MLIP: variants seen among roughly 807,000 people sequenced by gnomAD.
The protein encoded by MLIP is muscular LMNA interacting protein.
MLIP carries 79 observed loss-of-function variants against 84.8 expected under a neutral mutation model. The ratio of observed to expected loss-of-function variants is 0.93; its 90% CI spans 0.78 to 1.12. The LOEUF (loss-of-function observed/expected upper bound fraction) is 1.12. MLIP is among the 50% of genes most tolerant of loss of function. The pLI is 0.00. For missense variants in MLIP, 1,257 were observed against 1,160.6 expected, an observed-to-expected ratio of 1.08 and a Z score of -1.21; for synonymous variants, 504 against 463.0, an observed-to-expected ratio of 1.09 and a Z score of -1.14.
chr6:54,195,541 G>C (rs1433416569), intron 10 of MLIP, among the ~76,000 whole-genome samples: 2 of 152,080 alleles, frequency 1.3e-5, no homozygotes, highest in African/African-American at 4.8e-5. Flanking sequence ...CTCTAGCTCA[G>C]AGGCTGTACC....
At chr6:54,262,000 T>C (rs1218577898) in intron 13 of MLIP, among the ~76,000 whole-genome samples, 1 of 151,960 alleles carries the variant, frequency 6.6e-6, no homozygotes, top group Non-Finnish European at 1.5e-5. Context: ...GGTAAATTTG[T>C]CTTATAAAAA....
At chr6:54,233,566 T>G (rs1781158972) in intron 12 of MLIP, among the ~76,000 whole-genome samples, 1 of 152,232 alleles carries the variant, frequency 6.6e-6, no homozygotes, top group African/African-American at 2.4e-5. Context: ...ATTTTCTTTA[T>G]CCAGTCTATC....
intron 8 of MLIP, among the ~76,000 whole-genome samples, chr6:54,162,854 A>G (rs1774793734): frequency 6.6e-6 from 1 of 152,018 alleles, no homozygotes; most frequent in Non-Finnish European, 1.5e-5. Flanking sequence ...CGTCCTGTAC[A>G]GAGTTCCAAG....
intron 9 of MLIP, among the ~76,000 whole-genome samples, chr6:54,183,095 T>TAC (rs1777044632): frequency 6.6e-6 from 1 of 152,168 alleles, no homozygotes; most frequent in Non-Finnish European, 1.5e-5. Context: ...CCACTATATA[T>TAC]ACAGATATTC....
At chr6:54,058,202 T>C (rs1765771067) in intron 1 of MLIP, among the ~76,000 whole-genome samples, 1 of 152,200 alleles carries the variant, frequency 6.6e-6, no homozygotes, top group Non-Finnish European at 1.5e-5. Context: ...ATGCTGTGTT[T>C]ATAATTGGGT....
intron 11 of MLIP, among the ~76,000 whole-genome samples, chr6:54,219,053 A>C (rs997020720): frequency 6.6e-6 from 1 of 151,310 alleles, no homozygotes. Flanking sequence ...AGTACAAAAA[A>C]AAATTAGCCG....
At chr6:54,257,985 A>G (rs547103303) in intron 13 of MLIP, among the ~76,000 whole-genome samples, 35 of 152,236 alleles carry the variant, frequency 2.3e-4, no homozygotes, top group African/African-American at 7.9e-4. Context: ...ACAAAGAAAA[A>G]TTCTGTAAAG....
intron 1 of MLIP, among the ~76,000 whole-genome samples, chr6:54,112,030 AGT>A (rs1475452046): frequency 6.6e-6 from 1 of 152,224 alleles, no homozygotes. Context: ...AGCATTTCAA[AGT>A]GTATTTAGAA....
chr6:54,261,179 G>C (rs1355150687), intron 13 of MLIP, among the ~76,000 whole-genome samples: 1 of 151,900 alleles, frequency 6.6e-6, no homozygotes, highest in Non-Finnish European at 1.5e-5. Flanking sequence ...ATTTTTTATT[G>C]TATTTCTCAT....
intron 11 of MLIP, among the ~76,000 whole-genome samples, chr6:54,205,285 C>T (rs978340179): frequency 1.2e-4 from 19 of 152,192 alleles, no homozygotes; most frequent in Admixed American, 1.2e-3. Flanking sequence ...TCACTATTGT[C>T]TTCTCTTACA....
intron 1 of MLIP, among the ~76,000 whole-genome samples, chr6:54,048,571 T>C (rs1371997847): frequency 1.3e-5 from 2 of 152,136 alleles, no homozygotes; most frequent in African/African-American, 4.8e-5. Flanking sequence ...AAGATGTTTA[T>C]GGGAAACAAA....
At chr6:54,043,258 C>T (rs1764847811) in intron 1 of MLIP, 1 of 152,172 alleles carries the variant, frequency 6.6e-6, no homozygotes, top group Admixed American at 6.5e-5. Flanking sequence ...CATTTTATAT[C>T]AACAATGAGT....
chr6:54,261,550 C>A (rs956998129), intron 13 of MLIP: 2 of 980,936 alleles, frequency 2.0e-6, no homozygotes, highest in African/African-American at 3.5e-5. Flanking sequence ...TACAACATAA[C>A]AATTCTGTTA....
At chr6:54,086,471 A>G (rs998601040) in intron 1 of MLIP, among the ~76,000 whole-genome samples, 6 of 152,138 alleles carry the variant, frequency 3.9e-5, no homozygotes, top group African/African-American at 4.8e-5. Flanking sequence ...AACCTCCTTC[A>G]TTTTAGGGGA....
intron 9 of MLIP, among the ~76,000 whole-genome samples, chr6:54,182,771 A>G (rs925001323): frequency 2.0e-5 from 3 of 152,210 alleles, no homozygotes; most frequent in Admixed American, 1.3e-4. Flanking sequence ...AAACCATAGT[A>G]TGCTTTCTTA....
intron 11 of MLIP, among the ~76,000 whole-genome samples, chr6:54,207,100 T>C (rs375012224): frequency 2.0e-5 from 3 of 152,128 alleles, no homozygotes; most frequent in African/African-American, 7.2e-5. Flanking sequence ...TTTGGGAAGG[T>C]TTACGAACAG....
At chr6:54,041,002 C>G (rs1306655133) in intron 1 of MLIP, 3 of 151,954 alleles carry the variant, frequency 2.0e-5, no homozygotes, top group African/African-American at 7.2e-5. Context: ...CAATCATACC[C>G]CAAACCTCAG....
At chr6:54,111,101 G>T (rs372283892), upstream of MLIP, among the ~76,000 whole-genome samples, 1 of 152,178 alleles carries the variant, frequency 6.6e-6, no homozygotes, top group African/African-American at 2.4e-5. Context: ...AGGTGCTAGC[G>T]CCCTTCAATC....
upstream of MLIP, among the ~76,000 whole-genome samples, chr6:54,107,629 C>G (rs771540545): frequency 6.6e-6 from 1 of 152,212 alleles, no homozygotes; most frequent in Non-Finnish European, 1.5e-5. Context: ...AACAACCTGA[C>G]ATGCATTGCC....
Sources: gnomAD v4.1 joint callset for allele counts (sites outside exome capture counted in the v4.1 genomes callset) on GRCh38, gnomAD v4.1.1 for gene constraint, MANE v1.5 for transcripts, NCBI Gene and HGNC (gene_info 2026-07-23, HGNC 2026-07-21) for gene names.